Variants in ERFE observed in about 807,000 individuals in gnomAD.
ERFE encodes complement C1q tumor necrosis factor-related protein 15.
A neutral mutation model predicts 26.6 loss-of-function variants in ERFE; 25 were observed. That is an observed-to-expected ratio of 0.94 (90% CI 0.69 to 1.31). The LOEUF (loss-of-function observed/expected upper bound fraction) is 1.31. ERFE is among the 40% of genes most tolerant of loss of function. The pLI, the probability that ERFE is intolerant of heterozygous loss-of-function variation, is 0.00. For synonymous variants in ERFE, 206 were observed against 204.5 expected, an observed-to-expected ratio of 1.01 and a Z score of -0.06; for missense variants, 447 against 440.2, an observed-to-expected ratio of 1.02 and a Z score of -0.14.
intron 1 of ERFE, among the ~76,000 whole-genome samples, chr2:238,160,961 A>C (rs1692929181): frequency 1.3e-5 from 2 of 152,220 alleles, no homozygotes; most frequent in South Asian, 4.1e-4. Flanking sequence ...AACTTCCGGA[A>C]GCATCACTGT....
At chr2:238,162,690 C>G (rs1410399095) in intron 2 of ERFE, 46 bp from the exon 3 acceptor site, 2 of 1,276,704 alleles carry the variant, frequency 1.6e-6, no homozygotes, top group Non-Finnish European at 1.1e-6. Flanking sequence ...TGCTGTGGCT[C>G]CCAGCCTGCT....
At chr2:238,166,658 G>A (rs1186687850) in intron 7 of ERFE, among the ~76,000 whole-genome samples, 1 of 152,250 alleles carries the variant, frequency 6.6e-6, no homozygotes, top group African/African-American at 2.4e-5. Flanking sequence ...CAGGCTCTGA[G>A]AAGCCCTGCA....
chr2:238,163,451 AC>A (rs929340400), intron 3 of ERFE, among the ~76,000 whole-genome samples: 1 of 152,066 alleles, frequency 6.6e-6, no homozygotes, highest in Non-Finnish European at 1.5e-5. Flanking sequence ...CGCTTATTTT[AC>A]CCCCAGCGTC....
chr2:238,164,403 G>A, intron 6 of ERFE, 43 bp downstream of exon 6: 1 of 1,526,776 alleles, frequency 6.5e-7, no homozygotes, highest in Non-Finnish European at 8.8e-7. Flanking sequence ...CATTCGCTCG[G>A]CCTCCACAAG....
chr2:238,159,687 G>A (rs917750447), intron 1 of ERFE, among the ~76,000 whole-genome samples: 5 of 152,202 alleles, frequency 3.3e-5, no homozygotes, highest in African/African-American at 1.2e-4. Context: ...GTGATCAGGT[G>A]GCTTTTGGCC....
At chr2:238,161,348 C>T (rs1299038228) in intron 1 of ERFE, among the ~76,000 whole-genome samples, 2 of 152,358 alleles carry the variant, frequency 1.3e-5, no homozygotes, top group Admixed American at 6.5e-5. Flanking sequence ...TTGGGTCTGC[C>T]TCTCCCATGA....
At chr2:238,162,461 A>G (rs1692952865) in intron 2 of ERFE, among the ~76,000 whole-genome samples, 1 of 152,182 alleles carries the variant, frequency 6.6e-6, no homozygotes, top group Non-Finnish European at 1.5e-5. Flanking sequence ...TCTTCCCTCC[A>G]CGAGGCCTGG....
Position 238,164,361 on chromosome 2 carries a change from G to GT in ERFE, c.887+2dup. ...TCCAGTCCCGGTGCCAGCGCAACGC[G>GT]TGAGTGTACCCCGGCCCGGACCCCA... On this transcript the variant is annotated splice_donor_variant, in intron 6 of 7. Coordinates refer to ENST00000546354, the MANE Select transcript of ERFE (RefSeq NM_001291832.2). LOFTEE classifies it high-confidence loss of function. 1 of 1,542,782 alleles carries GT rather than the reference G, an allele frequency of 6.5e-7. No homozygotes were observed. The highest frequency in any genetic ancestry group is 1.2e-5 in the South Asian group (1 of 83,992).
In ERFE at chr2:238,167,314, T is replaced by TG. The variant is rs1693057059; in HGVS notation, c.*265dup. ...CCAGGAAAGAAAGAGTCGGCGTGCC[T>TG]GGGGGCACCTGCTAGTCTCCAGCTG... On this transcript the variant is annotated 3_prime_UTR_variant, in exon 8 of 8. Coordinates refer to ENST00000546354, the MANE Select transcript of ERFE (RefSeq NM_001291832.2). The TG allele has an allele frequency of 5.9e-6, 4 of 680,582 alleles. No individual in the cohort carries two copies. Among genetic ancestry groups the TG allele is most frequent in the Non-Finnish European group, 1.1e-5 (4 of 371,046 alleles). 42.2% of individuals were successfully genotyped at this position (680,582 alleles called of 1,614,324 possible).
intron 7 of ERFE, among the ~76,000 whole-genome samples, chr2:238,166,000 C>A (rs6710785): frequency 0.47 from 71,149 of 152,062 alleles, 16,885 homozygotes; most frequent in Middle Eastern, 0.59. Context: ...GTACTCCTGG[C>A]CACCACAAGC....
intron 2 of ERFE, 54 bp downstream of exon 2, chr2:238,161,770 C>T: frequency 6.7e-7 from 1 of 1,498,890 alleles, no homozygotes; most frequent in Non-Finnish European, 9.0e-7. Flanking sequence ...CCTCCTCGCT[C>T]CTCATCCACT....
In ERFE at chr2:238,168,501, T is replaced by G. The variant is rs1158508595; in HGVS notation, c.*1447T>G. 1.3e-5 allele frequency: 6 copies of G among 469,144 alleles called. No homozygotes were observed. Among genetic ancestry groups the G allele is most frequent in the African/African-American group, 4.0e-5 (2 of 49,954 alleles). The allele number at this position is 469,144 out of a possible 1,614,324, so 29.1% of individuals were successfully genotyped here. A position where few individuals can be genotyped will look rare whatever the true frequency, so the allele number is the denominator to read the frequency against. On this transcript the variant is annotated 3_prime_UTR_variant, in exon 8 of 8. Transcript: ENST00000546354. ...CTAACTAACTAGCCTCCGGATGAGG[T>G]GGCTGCCACCAGGCCCGAATGATCC...
chr2:238,166,857 G>A (rs745474603), intron 7 of ERFE, 99 bp from the exon 8 acceptor site: 45 of 987,438 alleles, frequency 4.6e-5, no homozygotes, highest in African/African-American at 2.4e-4. Context: ...TCCCAAAAGC[G>A]GGGCTGAGTG....
chr2:238,164,816 A>C, intron 6 of ERFE: 1 of 171,440 alleles, frequency 5.8e-6, no homozygotes, highest in South Asian at 1.3e-4. Context: ...GCGCCACTGC[A>C]CTCCAGCCTG....
At chr2:238,166,324 G>A (rs900170326) in intron 7 of ERFE, among the ~76,000 whole-genome samples, 4 of 152,266 alleles carry the variant, frequency 2.6e-5, no homozygotes. Context: ...CAGAAATGGA[G>A]GCCAGGCTGT....
At chr2:238,162,592 T>C in intron 2 of ERFE, 144 bp from the exon 3 acceptor site, 1 of 670,344 alleles carries the variant, frequency 1.5e-6, no homozygotes, top group Non-Finnish European at 2.7e-6. Flanking sequence ...AGGAGAAGCT[T>C]TCACTGAGGT....
rs1055733670 is a variant in ERFE at position 238,164,880 on chromosome 2, A to G, written c.887+520A>G. Among the ~76,000 whole-genome samples, 28 of 151,464 alleles carry G rather than the reference A, an allele frequency of 1.8e-4. 1 individual carries two copies. Among genetic ancestry groups the G allele is most frequent in the Admixed American group, 4.6e-4 (7 of 15,230 alleles). On this transcript the variant is annotated intron_variant, in intron 6 of 7. Transcript: ENST00000546354. ...AAACAAACAACAACAACAAAAAAAA[A>G]CCTTTCCAGGCCACTCCCTGCCCAG...
At chr2:238,165,479 C>A in intron 6 of ERFE, 127 bp from the exon 7 acceptor site, 1 of 729,670 alleles carries the variant, frequency 1.4e-6, no homozygotes, top group Non-Finnish European at 2.4e-6. Context: ...ACCACCTCCA[C>A]TGGAAGACCT....
chr2:238,163,714 G>A (rs2106320082), intron 3 of ERFE, 23 bp from the exon 4 acceptor site: 27 of 1,279,432 alleles, frequency 2.1e-5, no homozygotes, highest in South Asian at 1.3e-4. Context: ...CCTGGCGCGC[G>A]GCCACCGCTC....
Sources: gnomAD v4.1 joint callset for allele counts (sites outside exome capture counted in the v4.1 genomes callset) on GRCh38, gnomAD v4.1.1 for gene constraint, MANE v1.5 for transcripts, NCBI Gene and HGNC (gene_info 2026-07-23, HGNC 2026-07-21) for gene names.